GAB1: variants seen among roughly 807,000 people sequenced by gnomAD.
GAB1 encodes the protein GRB2-associated-binding protein 1.
GAB1 carries 19 observed loss-of-function variants against 66.5 expected under a neutral mutation model. That is an observed-to-expected ratio of 0.29 (90% CI 0.20 to 0.42). GAB1 has a LOEUF of 0.42. Among genes scored for constraint, GAB1 ranks in the 10% least tolerant of loss-of-function variants. The pLI, the probability that GAB1 is intolerant of heterozygous loss-of-function variation, is 1.00. For missense variants in GAB1, 732 were observed against 858.5 expected (o/e 0.85, Z 1.84); for synonymous variants, 294 against 301.4 (o/e 0.98, Z 0.25).
chr4:143,463,484 G>A (rs1414121906), intron 8 of GAB1, among the ~76,000 whole-genome samples: 3 of 151,792 alleles, frequency 2.0e-5, no homozygotes, highest in Non-Finnish European at 4.4e-5. Flanking sequence ...TTAGCCGGGC[G>A]TGGTGGCAGG....
chr4:143,465,139 A>C (rs1265546436), intron 8 of GAB1, among the ~76,000 whole-genome samples: 1 of 152,220 alleles, frequency 6.6e-6, no homozygotes. Flanking sequence ...CATGGAAACA[A>C]GTCACTTGTT....
chr4:143,468,324 C>T lies in GAB1; in HGVS notation c.1927-707C>T, dbSNP rs182982036. Among the ~76,000 whole-genome samples the T allele has an allele frequency of 1.2e-3, 177 of 148,212 alleles. 3 individuals carry two copies. The East Asian group carries it at 0.022, about 18-fold the overall frequency. On this transcript the variant is annotated intron_variant, in intron 9 of 9. Coordinates refer to ENST00000262994, the MANE Select transcript of GAB1 (RefSeq NM_002039.4). ...CTGCCACCCGGGTTCAAGCCATTCT[C>T]CTGCCTCAGCCTCCCAAGTAGCTGG... is the stretch of plus-strand genomic sequence containing the variant.
At chr4:143,435,032 G>C (rs1733874217) in intron 3 of GAB1, among the ~76,000 whole-genome samples, 1 of 152,020 alleles carries the variant, frequency 6.6e-6, no homozygotes, top group Admixed American at 6.6e-5. Flanking sequence ...TTTCTTTATA[G>C]ACATGAAAAA....
chr4:143,408,568 A>G (rs981326144), intron 1 of GAB1, among the ~76,000 whole-genome samples: 1 of 152,158 alleles, frequency 6.6e-6, no homozygotes, highest in African/African-American at 2.4e-5. Context: ...TCTTGTGGGC[A>G]TTGCTCATGT....
intron 1 of GAB1, among the ~76,000 whole-genome samples, chr4:143,338,969 G>T (rs1009199234): frequency 2.0e-5 from 3 of 151,990 alleles, no homozygotes; most frequent in African/African-American, 4.8e-5. Context: ...TAGGAAAAAG[G>T]AAAAAAGCCC....
chr4:143,451,365 G>C (rs879886013), intron 6 of GAB1, among the ~76,000 whole-genome samples: 4 of 152,152 alleles, frequency 2.6e-5, no homozygotes, highest in Non-Finnish European at 5.9e-5. Context: ...TACCAAAGGA[G>C]GGACGAATGC....
chr4:143,360,977 C>T (rs1420129255), intron 1 of GAB1, among the ~76,000 whole-genome samples: 2 of 152,294 alleles, frequency 1.3e-5, no homozygotes, highest in Admixed American at 1.3e-4. Context: ...ATTTCTACCT[C>T]ATCCTTTCCC....
At chr4:143,397,820 A>G (rs1329154724) in intron 1 of GAB1, among the ~76,000 whole-genome samples, 1 of 152,162 alleles carries the variant, frequency 6.6e-6, no homozygotes, top group Non-Finnish European at 1.5e-5. Flanking sequence ...ATGAAATTTG[A>G]CTTTTCTTGC....
intron 6 of GAB1, among the ~76,000 whole-genome samples, chr4:143,447,933 A>G (rs1464211782): frequency 6.6e-6 from 1 of 152,174 alleles, no homozygotes; most frequent in Non-Finnish European, 1.5e-5. Flanking sequence ...TTTGTCATAG[A>G]TAGCTGTTAC....
intron 7 of GAB1, 75 bp from the exon 8 acceptor site, chr4:143,460,285 GTCTC>G (rs1735421119): frequency 1.5e-6 from 2 of 1,325,144 alleles, no homozygotes; most frequent in Non-Finnish European, 2.2e-6. Flanking sequence ...AATGCAGACT[GTCTC>G]TCATTTTTAT....
chr4:143,428,264 T>G (rs1393062129), intron 2 of GAB1, among the ~76,000 whole-genome samples: 1 of 152,174 alleles, frequency 6.6e-6, no homozygotes, highest in Non-Finnish European at 1.5e-5. Context: ...ACCCAAAGCT[T>G]AGAATTGAGT....
rs982527171 is a variant in GAB1 at position 143,466,242 on chromosome 4, A to G, written c.1926+17A>G. The G allele has an allele frequency of 3.1e-6, 5 of 1,612,120 alleles. No individual in the cohort carries two copies. In the African/African-American group the frequency reaches 4.0e-5, roughly 13 times the overall value. ...CCACGTAAGGTGAGTGACATGTGAC[A>G]TGTCTCTTCTTTGTATACAGTTAGT... is the stretch of plus-strand genomic sequence containing the variant. On this transcript the variant is annotated intron_variant, in intron 9 of 9. Coordinates refer to ENST00000262994, the MANE Select transcript of GAB1 (RefSeq NM_002039.4).
chr4:143,401,522 G>A (rs572956477), intron 1 of GAB1, among the ~76,000 whole-genome samples: 1 of 152,282 alleles, frequency 6.6e-6, no homozygotes, highest in South Asian at 2.1e-4. Flanking sequence ...AAGTTAGAAA[G>A]TAAATAAATA....
At chr4:143,424,963 A>T (rs1486619822) in intron 2 of GAB1, 1 of 496,426 alleles carries the variant, frequency 2.0e-6, no homozygotes, top group Admixed American at 3.8e-5. Flanking sequence ...TTAAAAAAAG[A>T]AAAAAAAAGG....
intron 1 of GAB1, among the ~76,000 whole-genome samples, chr4:143,415,168 T>C (rs1732613756): frequency 6.6e-6 from 1 of 152,252 alleles, no homozygotes; most frequent in African/African-American, 2.4e-5. Context: ...ACACCATTTG[T>C]TGAAACCATG....
chr4:143,449,502 A>G (rs1413212860), intron 6 of GAB1, among the ~76,000 whole-genome samples: 1 of 152,222 alleles, frequency 6.6e-6, no homozygotes, highest in African/African-American at 2.4e-5. Context: ...TATTTAGGAT[A>G]GTTAGCTCTT....
intron 2 of GAB1, among the ~76,000 whole-genome samples, chr4:143,419,464 G>C (rs982446122): frequency 6.6e-6 from 1 of 152,118 alleles, no homozygotes; most frequent in African/African-American, 2.4e-5. Flanking sequence ...TAGGTTGAGT[G>C]TAACTCTTGA....
At chr4:143,417,014 C>A (rs1395136212) in intron 2 of GAB1, among the ~76,000 whole-genome samples, 2 of 152,062 alleles carry the variant, frequency 1.3e-5, no homozygotes, top group Non-Finnish European at 2.9e-5. Context: ...AAGTACCAAA[C>A]AAATGAATTA....
chr4:143,376,554 A>T (rs1255847712), intron 1 of GAB1, among the ~76,000 whole-genome samples: 2 of 152,236 alleles, frequency 1.3e-5, no homozygotes, highest in African/African-American at 4.8e-5. Context: ...GGCCTTTTTC[A>T]AAAAATGACT....
Sources: gnomAD v4.1 joint callset for allele counts (sites outside exome capture counted in the v4.1 genomes callset) on GRCh38, gnomAD v4.1.1 for gene constraint, MANE v1.5 for transcripts, NCBI Gene and HGNC (gene_info 2026-07-23, HGNC 2026-07-21) for gene names.